The following TNS1 variants were observed in gnomAD, a reference collection of about 807,000 sequenced individuals.
TNS1 encodes tensin-1.
In TNS1, 62 loss-of-function variants were observed where a neutral mutation model predicts 168.6. That is an observed-to-expected ratio of 0.37 (90% CI 0.30 to 0.45). TNS1 has a LOEUF of 0.45. TNS1 is among the 20% of genes least tolerant of loss of function. The pLI is 1.00. For synonymous variants in TNS1, 934 were observed against 933.2 expected (o/e 1.00, Z -0.02); for missense variants, 2,240 against 2,339.4 (o/e 0.96, Z 0.88).
intron 18 of TNS1, among the ~76,000 whole-genome samples, chr2:217,852,002 A>G (rs1186320648): frequency 6.6e-6 from 1 of 152,198 alleles, no homozygotes; most frequent in Middle Eastern, 3.4e-3. Flanking sequence ...AAAATTAGCC[A>G]GGCGTGGTAG....
chr2:217,890,349 T>TATCA, intron 12 of TNS1: 1 of 152,744 alleles, frequency 6.5e-6, no homozygotes, highest in Admixed American at 6.5e-5. Flanking sequence ...TCTCATTAGG[T>TATCA]ATCAGCTCAC....
intron 3 of TNS1, among the ~76,000 whole-genome samples, chr2:217,922,768 T>C (rs748562849): frequency 9.1e-4 from 138 of 152,088 alleles, no homozygotes; most frequent in Non-Finnish European, 1.5e-3. Flanking sequence ...AACCTGGCCC[T>C]GCGGGGGAGC....
At position 217,812,442 on chromosome 2, in the gene TNS1, G is replaced by T; in HGVS notation, c.4958C>A (p.Ser1653Ter). 6.2e-7 allele frequency: 1 copy of T among 1,614,020 alleles called. No individual in the cohort carries two copies. ...KGCPNEPNFG[S>*]LSALVYQHSI... ...GTGCTGGTAGACCAGGGCAGACAGC[G>T]ATCCTGTAGGGAGGCAGACGGCATG... Residue 1653 changes from serine to a stop codon, truncating the protein, a stop_gained, in exon 28 of 33, where the codon TCG becomes TAG. Coordinates refer to ENST00000682258, the MANE Select transcript of TNS1 (RefSeq NM_001387777.1). LOFTEE classifies it high-confidence loss of function.
chr2:217,930,401 G>C (rs1458141737), intron 3 of TNS1, among the ~76,000 whole-genome samples: 1 of 152,220 alleles, frequency 6.6e-6, no homozygotes, highest in African/African-American at 2.4e-5. Flanking sequence ...GAGATGCCAG[G>C]GGTCAGAGAA....
chr2:217,809,765 T>G, intron 30 of TNS1, 58 bp downstream of exon 30: 1 of 1,542,388 alleles, frequency 6.5e-7, no homozygotes, highest in Non-Finnish European at 8.9e-7. Context: ...GGTACACGGA[T>G]GAATAGATGA....
intron 2 of TNS1, among the ~76,000 whole-genome samples, chr2:217,987,260 A>G (rs757542728): frequency 2.0e-5 from 3 of 152,104 alleles, no homozygotes; most frequent in Non-Finnish European, 4.4e-5. Context: ...CAGAACCTCA[A>G]TGCTCCTCAC....
At chr2:217,834,619 C>T (rs1282833491) in intron 21 of TNS1, among the ~76,000 whole-genome samples, 1 of 152,138 alleles carries the variant, frequency 6.6e-6, no homozygotes, top group Non-Finnish European at 1.5e-5. Flanking sequence ...GAGCTGGGGG[C>T]TCTGTCAGCC....
intron 1 of TNS1, among the ~76,000 whole-genome samples, chr2:218,022,321 G>A (rs756376107): frequency 6.6e-6 from 1 of 152,130 alleles, no homozygotes; most frequent in African/African-American, 2.4e-5. Context: ...GCCCAGGCCT[G>A]ACGGCCTCCT....
intron 19 of TNS1, among the ~76,000 whole-genome samples, chr2:217,840,482 G>A (rs1476917621): frequency 1.3e-5 from 2 of 152,266 alleles, no homozygotes; most frequent in Non-Finnish European, 2.9e-5. Context: ...CTGGGAAATT[G>A]AGCTCTAAAC....
At position 217,903,625 on chromosome 2, in the gene TNS1, T is replaced by C. The variant is rs1474338215; in HGVS notation, c.321+2710A>G. On this transcript the variant is annotated intron_variant, in intron 6 of 32. Transcript: ENST00000682258. ...TACCTCCAAAACACAATCCTTCCTT[T>C]GCTGAAAGGGCACCATGAAAGGAAA... 4 of 1,535,472 alleles carry C rather than the reference T, an allele frequency of 2.6e-6. No homozygotes were observed. In the East Asian group the frequency reaches 9.8e-5, roughly 38 times the overall value.
intron 1 of TNS1, among the ~76,000 whole-genome samples, chr2:217,999,473 C>T (rs763532875): frequency 7.2e-5 from 11 of 152,204 alleles, no homozygotes; most frequent in Non-Finnish European, 1.6e-4. Flanking sequence ...ATTGCACTCT[C>T]GGCCAGCATG....
At chr2:218,023,145 T>C (rs1958823426) in intron 1 of TNS1, among the ~76,000 whole-genome samples, 1 of 152,130 alleles carries the variant, frequency 6.6e-6, no homozygotes. Flanking sequence ...AAGGGACCAT[T>C]GAGAACAAGA....
chr2:218,022,358 C>T lies in TNS1; in HGVS notation c.156+11462G>A, dbSNP rs180674836. ...TCAAAAGCCGCAGCCTCCTTTCTCC[C>T]ACTAAGGCCACTCAGCCTTGGTCTG... is the stretch of plus-strand genomic sequence containing the variant. On this transcript the variant is annotated intron_variant, in intron 1 of 1. Transcript: ENST00000649572. Among the ~76,000 whole-genome samples, 107 of 152,302 alleles carry T rather than the reference C, an allele frequency of 7.0e-4. 1 individual carries two copies. The highest frequency in any genetic ancestry group is 5.6e-4 in the Non-Finnish European group (38 of 68,012).
chr2:217,993,717 T>C (rs143232509), intron 1 of TNS1, among the ~76,000 whole-genome samples: 63 of 152,316 alleles, frequency 4.1e-4, no homozygotes, highest in Non-Finnish European at 6.2e-4. Flanking sequence ...CTGGGACCAC[T>C]GGCGGGACTT....
intron 2 of TNS1, among the ~76,000 whole-genome samples, chr2:217,984,519 C>T (rs1958141098): frequency 6.6e-6 from 1 of 152,046 alleles, no homozygotes; most frequent in Non-Finnish European, 1.5e-5. Context: ...ACAGGGTCTC[C>T]ATCTGTCACT....
At chr2:217,977,487 C>T (rs1957924619) in intron 3 of TNS1, among the ~76,000 whole-genome samples, 2 of 152,208 alleles carry the variant, frequency 1.3e-5, no homozygotes, top group Non-Finnish European at 2.9e-5. Flanking sequence ...GAAGATTCTT[C>T]CCAGACCTGC....
intron 19 of TNS1, among the ~76,000 whole-genome samples, chr2:217,841,768 C>T (rs1353782953): frequency 6.6e-6 from 1 of 152,132 alleles, no homozygotes; most frequent in African/African-American, 2.4e-5. Context: ...ACACACCCAG[C>T]CTGAGCCCAA....
chr2:218,025,969 C>T (rs1300440857), intron 1 of TNS1, among the ~76,000 whole-genome samples: 1 of 152,206 alleles, frequency 6.6e-6, no homozygotes, highest in Non-Finnish European at 1.5e-5. Flanking sequence ...CCCTTGGGGT[C>T]AGGTTACATT....
Position 217,831,505 on chromosome 2 carries a change from A to G in TNS1, c.3323T>C (p.Leu1108Pro). 1.3e-6 allele frequency: 2 copies of G among 1,575,322 alleles called. No homozygotes were observed. The highest frequency in any genetic ancestry group is 1.7e-6 in the Non-Finnish European group (2 of 1,162,992). The change falls in exon 22 of 33, where the codon CTG (leucine) becomes CCG (proline). Residue 1108 changes from leucine (L) to proline (P), a missense_variant. Around this residue, in one of 2 missense-constraint regions of TNS1, gnomAD observed 2,131 missense variants for 2,171.2 expected, o/e 0.98. Transcript: ENST00000682258. ...CGCTGGGTTGTGAGGTTTCAGGCCCAGAGCAGACAGGGGTGTCTTGGCCAG... is the reference window on the plus strand; with the variant it reads ...CGCTGGGTTGTGAGGTTTCAGGCCCGGAGCAGACAGGGGTGTCTTGGCCAG... ...PGLAKTPLSA[L>P]GLKPHNPADI...
Sources: gnomAD v4.1 joint callset for allele counts (sites outside exome capture counted in the v4.1 genomes callset) on GRCh38, gnomAD v4.1.1 for gene constraint, gnomAD v4.1.1 regional missense constraint, MANE v1.5 for transcripts, NCBI Gene and HGNC (gene_info 2026-07-23, HGNC 2026-07-21) for gene names.